Variants in TMEM108 observed in about 807,000 individuals in gnomAD.
The protein encoded by TMEM108 is cancer/testis antigen 124.
TMEM108 carries 12 observed loss-of-function variants against 35.1 expected under a neutral mutation model. The observed-to-expected ratio is 0.34, with a 90% CI of 0.22 to 0.55. The LOEUF is 0.55. TMEM108 is among the 20% of genes least tolerant of loss of function. The probability of loss-of-function intolerance (pLI) is 0.89; values close to 1 mark genes in which losing one functional copy is unlikely to be tolerated. For synonymous variants in TMEM108, 287 were observed against 308.6 expected (o/e 0.93, Z 0.73); for missense variants, 680 against 753.3 (o/e 0.90, Z 1.14).
At chr3:133,357,932 TA>T (rs1382357500) in intron 3 of TMEM108, among the ~76,000 whole-genome samples, 5 of 152,044 alleles carry the variant, frequency 3.3e-5, no homozygotes, top group African/African-American at 1.2e-4. Flanking sequence ...AAATACTGAT[TA>T]AAAAATATAG....
In TMEM108 at chr3:133,241,172, T is replaced by C. The variant is rs555652693; in HGVS notation, c.40+11821T>C. On this transcript the variant is annotated intron_variant, in intron 3 of 5. Transcript: ENST00000321871. ...TTTTCCAGCAGTTTCATATTGTCTT[T>C]GTAATAAATATCTGAAACATTTTTG... Among the ~76,000 whole-genome samples, 65 of 152,374 alleles carry C rather than the reference T, an allele frequency of 4.3e-4. No homozygotes were observed. The South Asian group carries it at 7.5e-3, about 17-fold the overall frequency.
At chr3:133,241,730 T>C (rs1157341070) in intron 3 of TMEM108, among the ~76,000 whole-genome samples, 2 of 150,306 alleles carry the variant, frequency 1.3e-5, no homozygotes, top group African/African-American at 4.9e-5. Context: ...ATTCTCCTGG[T>C]CAGCCTCCCA....
chr3:133,230,044 G>A (rs1946129813), intron 3 of TMEM108, among the ~76,000 whole-genome samples: 1 of 152,212 alleles, frequency 6.6e-6, no homozygotes, highest in African/African-American at 2.4e-5. Flanking sequence ...TGGTGGGTTT[G>A]ATGTTCCAGT....
chr3:133,135,180 T>C (rs535522853), intron 2 of TMEM108, among the ~76,000 whole-genome samples: 125 of 151,966 alleles, frequency 8.2e-4, no homozygotes, highest in Non-Finnish European at 1.6e-3. Context: ...TCTTTCTTTC[T>C]GCAGTACGTA....
intron 1 of TMEM108, among the ~76,000 whole-genome samples, chr3:133,038,779 C>G (rs1189146110): frequency 6.6e-6 from 1 of 152,180 alleles, no homozygotes; most frequent in East Asian, 1.9e-4. Context: ...TGGACCTGGG[C>G]TGGGGCCGAG....
chr3:133,148,615 C>G (rs1026473290), intron 2 of TMEM108, among the ~76,000 whole-genome samples: 1 of 152,158 alleles, frequency 6.6e-6, no homozygotes, highest in African/African-American at 2.4e-5. Flanking sequence ...AGGACTTCAT[C>G]ATGATACTTC....
At chr3:133,039,999 C>G (rs889602515) in intron 1 of TMEM108, among the ~76,000 whole-genome samples, 50 of 152,146 alleles carry the variant, frequency 3.3e-4, no homozygotes, top group African/African-American at 1.2e-3. Flanking sequence ...GTATCAAATT[C>G]AGGTTTATCA....
Position 133,175,769 on chromosome 3 carries a change from G to A in TMEM108, c.-46-53497G>A, listed in dbSNP as rs574500876. Among the ~76,000 whole-genome samples, 22 of 152,298 alleles carry A rather than the reference G, an allele frequency of 1.4e-4. No homozygotes were observed. The East Asian group carries it at 1.9e-3, about 13-fold the overall frequency. On this transcript the variant is annotated intron_variant, in intron 2 of 5. Coordinates refer to ENST00000321871, the MANE Select transcript of TMEM108 (RefSeq NM_023943.4). ...CTAGGAAGAAACTGCATCAACTAACGAGCAAAATAACCAACTAACATCATA... is the reference window on the plus strand; with the variant it reads ...CTAGGAAGAAACTGCATCAACTAACAAGCAAAATAACCAACTAACATCATA...
At chr3:133,311,820 G>C (rs1159910562) in intron 3 of TMEM108, among the ~76,000 whole-genome samples, 1 of 152,204 alleles carries the variant, frequency 6.6e-6, no homozygotes, top group Non-Finnish European at 1.5e-5. Context: ...CAGCTTTTCT[G>C]CCCTGGTTTC....
intron 2 of TMEM108, among the ~76,000 whole-genome samples, chr3:133,073,451 C>CTTTT (rs35002643): frequency 5.4e-5 from 6 of 110,428 alleles, no homozygotes; most frequent in Non-Finnish European, 9.4e-5. Flanking sequence ...ACAGGATTCT[C>CTTTT]TTTTTTTTTT....
intron 2 of TMEM108, among the ~76,000 whole-genome samples, chr3:133,178,470 A>G (rs531783993): frequency 0.06 from 9,026 of 149,748 alleles, 313 homozygotes; most frequent in Non-Finnish European, 0.082. Flanking sequence ...GATATAGACC[A>G]ATGGAACAGA....
At chr3:133,393,980 G>C (rs1299311913) in intron 5 of TMEM108, among the ~76,000 whole-genome samples, 1 of 152,224 alleles carries the variant, frequency 6.6e-6, no homozygotes, top group Non-Finnish European at 1.5e-5. Context: ...ACAAAGCTCA[G>C]CTTGGCTTCA....
intron 2 of TMEM108, among the ~76,000 whole-genome samples, chr3:133,113,435 AC>A (rs1944250002): frequency 6.6e-6 from 1 of 152,170 alleles, no homozygotes; most frequent in African/African-American, 2.4e-5. Context: ...GGAACCCTTC[AC>A]CCACCTTCTC....
At chr3:133,088,582 G>A (rs1268662382) in intron 2 of TMEM108, among the ~76,000 whole-genome samples, 2 of 152,150 alleles carry the variant, frequency 1.3e-5, no homozygotes, top group African/African-American at 4.8e-5. Context: ...ATAGATCTGT[G>A]CTAGTAGTTC....
In TMEM108 at chr3:133,349,591, C is replaced by A. The variant is rs1287739429; in HGVS notation, c.41-30161C>A. ...CCAGACTATATAAGGAACTTAATAG[C>A]AAAAAAAAAACTAACCTGATTTTTA... On this transcript the variant is annotated intron_variant, in intron 3 of 5. Coordinates refer to ENST00000321871, the MANE Select transcript of TMEM108 (RefSeq NM_023943.4). Among the ~76,000 whole-genome samples, 105 of 147,632 alleles carry A rather than the reference C, an allele frequency of 7.1e-4. 1 individual carries two copies. The highest frequency in any genetic ancestry group is 1.3e-3 in the Non-Finnish European group (90 of 66,676).
chr3:133,164,629 C>G (rs1315643128), intron 2 of TMEM108, among the ~76,000 whole-genome samples: 1 of 152,164 alleles, frequency 6.6e-6, no homozygotes, highest in African/African-American at 2.4e-5. Context: ...ATCCTGTGTA[C>G]CAGACACTGC....
chr3:133,320,195 A>G (rs1410482525), intron 3 of TMEM108, among the ~76,000 whole-genome samples: 1 of 152,214 alleles, frequency 6.6e-6, no homozygotes, highest in Non-Finnish European at 1.5e-5. Flanking sequence ...GAATTGCCAG[A>G]TAAAGAGTTC....
Position 133,355,429 on chromosome 3 carries a change from C to G in TMEM108, c.41-24323C>G, listed in dbSNP as rs75776613. Among the ~76,000 whole-genome samples the G allele has an allele frequency of 6.2e-3, 949 of 152,258 alleles. 13 individuals carry two copies. Among genetic ancestry groups the G allele is most frequent in the African/African-American group, 0.021 (891 of 41,548 alleles). On this transcript the variant is annotated intron_variant, in intron 3 of 5. Transcript: ENST00000321871. ...TATTGGTTGTAGTTGTTCACCTCAT[C>G]ATCTCTCCATTTGAGGCAAATGCAT... is the stretch of plus-strand genomic sequence containing the variant.
intron 2 of TMEM108, among the ~76,000 whole-genome samples, chr3:133,084,824 T>C (rs1409042339): frequency 2.0e-5 from 3 of 152,168 alleles, no homozygotes; most frequent in African/African-American, 7.2e-5. Context: ...ATTCGTGAGA[T>C]CATAGAGTGG....
Sources: allele counts gnomAD v4.1 joint callset (sites outside exome capture counted in the v4.1 genomes callset), GRCh38; gene constraint gnomAD v4.1.1; transcripts MANE v1.5; gene names NCBI Gene and HGNC (gene_info 2026-07-23, HGNC 2026-07-21).